Variants in MYO6 observed in about 807,000 individuals in gnomAD.
The protein encoded by MYO6 is unconventional myosin-VI.
In MYO6, 74 loss-of-function variants were observed where a neutral mutation model predicts 178.7. That is an observed-to-expected ratio of 0.41 (90% CI 0.34 to 0.50). The LOEUF (loss-of-function observed/expected upper bound fraction) is 0.50, where lower values mean the gene tolerates loss of function less well. Ranked by LOEUF, MYO6 falls within the 20% of genes least tolerant of loss-of-function variation. MYO6 has a pLI of 0.09. For missense variants in MYO6, 1,330 were observed against 1,547.4 expected, an observed-to-expected ratio of 0.86 and a Z score of 2.36; for synonymous variants, 477 against 504.6, an observed-to-expected ratio of 0.95 and a Z score of 0.73.
chr6:75,758,275 C>G (rs77369305), intron 1 of MYO6, among the ~76,000 whole-genome samples: 2,347 of 152,056 alleles, frequency 0.015, 57 homozygotes, highest in African/African-American at 0.054. Flanking sequence ...AGGGCTTCAA[C>G]AAGATTAACG....
intron 1 of MYO6, among the ~76,000 whole-genome samples, chr6:75,800,255 G>A (rs1312872745): frequency 6.6e-6 from 1 of 152,132 alleles, no homozygotes; most frequent in Non-Finnish European, 1.5e-5. Flanking sequence ...ACAAAGGTAA[G>A]TGAGTCAACA....
chr6:75,870,279 CAA>C (rs1322656764), intron 18 of MYO6, among the ~76,000 whole-genome samples: 1 of 152,158 alleles, frequency 6.6e-6, no homozygotes, highest in African/African-American at 2.4e-5. Flanking sequence ...TTGCCACATT[CAA>C]AGACTGTGCT....
At chr6:75,893,032 A>G (rs1319445255) in intron 28 of MYO6, among the ~76,000 whole-genome samples, 2 of 152,172 alleles carry the variant, frequency 1.3e-5, no homozygotes, top group Non-Finnish European at 1.5e-5. Flanking sequence ...AAACACTGGC[A>G]TTGAAATAAG....
At chr6:75,911,840 A>G (rs1780778061) in intron 33 of MYO6, 142 bp downstream of exon 33, 1 of 747,322 alleles carries the variant, frequency 1.3e-6, no homozygotes, top group African/African-American at 1.8e-5. Flanking sequence ...CCATACTAAG[A>G]TATATTTTAA....
At chr6:75,782,885 G>C (rs1455765788) in intron 1 of MYO6, among the ~76,000 whole-genome samples, 1 of 148,582 alleles carries the variant, frequency 6.7e-6, no homozygotes, top group Non-Finnish European at 1.5e-5. Context: ...GATAGTCCTT[G>C]ATAATCCTCA....
intron 30 of MYO6, 62 bp from the exon 31 acceptor site, chr6:75,907,543 C>G: frequency 1.6e-5 from 21 of 1,322,720 alleles, no homozygotes; most frequent in Non-Finnish European, 2.3e-5. Flanking sequence ...TTTCTTGCCT[C>G]TTTAGTCAAT....
chr6:75,844,125 G>A (rs1363380163), intron 9 of MYO6, among the ~76,000 whole-genome samples: 1 of 152,110 alleles, frequency 6.6e-6, no homozygotes, highest in Non-Finnish European at 1.5e-5. Context: ...CTACCGTATA[G>A]CAAATATGTT....
chr6:75,868,107 C>T (rs1488232386), intron 18 of MYO6, among the ~76,000 whole-genome samples: 1 of 151,764 alleles, frequency 6.6e-6, no homozygotes, highest in African/African-American at 2.4e-5. Context: ...ATAATATAAG[C>T]CTCCCCAAAT....
chr6:75,767,353 C>T (rs184897112), intron 1 of MYO6, among the ~76,000 whole-genome samples: 76 of 152,036 alleles, frequency 5.0e-4, no homozygotes, highest in African/African-American at 1.7e-3. Context: ...TGTTGCATTC[C>T]TGTCTTTAAG....
chr6:75,838,326 G>A (rs1451142581), intron 7 of MYO6, among the ~76,000 whole-genome samples: 1 of 152,184 alleles, frequency 6.6e-6, no homozygotes, highest in East Asian at 1.9e-4. Flanking sequence ...CAAAGTGTTG[G>A]TATTACAGGT....
Position 75,916,776 on chromosome 6 carries a change from T to A in MYO6, c.*1764T>A, listed in dbSNP as rs1053137401. On this transcript the variant is annotated 3_prime_UTR_variant, in exon 35 of 35. Transcript: ENST00000369977. ...TAGTTTTGTGTATCTTTTAGATACATTAATAGGCACTAGATGGAAAATTAA... is the reference window on the plus strand; with the variant it reads ...TAGTTTTGTGTATCTTTTAGATACAATAATAGGCACTAGATGGAAAATTAA... 6.6e-6 allele frequency: 1 copy of A among 152,172 alleles called. No individual in the cohort carries two copies. Among genetic ancestry groups the A allele is most frequent in the Non-Finnish European group, 1.5e-5 (1 of 68,036 alleles). The allele number at this position is 152,172 out of a possible 1,614,324, so 9.4% of individuals were successfully genotyped here.
chr6:75,908,070 G>A (rs934332725), intron 31 of MYO6, among the ~76,000 whole-genome samples: 4 of 152,082 alleles, frequency 2.6e-5, no homozygotes, highest in African/African-American at 4.8e-5. Context: ...TATCATAATT[G>A]TACATAATTT....
At chr6:75,766,637 T>G (rs1176763826) in intron 1 of MYO6, among the ~76,000 whole-genome samples, 6 of 152,218 alleles carry the variant, frequency 3.9e-5, no homozygotes, top group Non-Finnish European at 7.3e-5. Flanking sequence ...TTGTAATTGG[T>G]GACTCAAATA....
At chr6:75,821,974 CAG>C (rs1771920474) in intron 2 of MYO6, among the ~76,000 whole-genome samples, 1 of 151,846 alleles carries the variant, frequency 6.6e-6, no homozygotes, top group East Asian at 1.9e-4. Flanking sequence ...ATATTTCTGA[CAG>C]ATTTTTGTAC....
chr6:75,778,138 C>A (rs561030897), intron 1 of MYO6, among the ~76,000 whole-genome samples: 1 of 152,014 alleles, frequency 6.6e-6, no homozygotes, highest in East Asian at 1.9e-4. Context: ...GGATTACAGA[C>A]GTACATCATC....
At chr6:75,836,043 G>C in intron 7 of MYO6, 87 bp downstream of exon 7, 1 of 881,880 alleles carries the variant, frequency 1.1e-6, no homozygotes, top group Non-Finnish European at 1.9e-6. Context: ...TTCTCTCAGA[G>C]ATGCAAAAGA....
intron 1 of MYO6, among the ~76,000 whole-genome samples, chr6:75,803,637 A>T (rs574465970): frequency 2.6e-5 from 4 of 152,278 alleles, no homozygotes; most frequent in African/African-American, 9.6e-5. Flanking sequence ...TTACTTCTTA[A>T]TTAAATTGTG....
chr6:75,754,138 A>G (rs1777136086), intron 1 of MYO6, among the ~76,000 whole-genome samples: 1 of 152,232 alleles, frequency 6.6e-6, no homozygotes, highest in Non-Finnish European at 1.5e-5. Context: ...ACATGGGGTA[A>G]ATATGATGCT....
intron 1 of MYO6, among the ~76,000 whole-genome samples, chr6:75,798,713 C>G (rs796234983): frequency 7.9e-5 from 12 of 152,132 alleles, no homozygotes; most frequent in African/African-American, 2.9e-4. Flanking sequence ...AGGAGCAAGA[C>G]AAGAATGCTT....
Sources: gnomAD v4.1 joint callset for allele counts (sites outside exome capture counted in the v4.1 genomes callset) on GRCh38, gnomAD v4.1.1 for gene constraint, MANE v1.5 for transcripts, NCBI Gene and HGNC (gene_info 2026-07-23, HGNC 2026-07-21) for gene names.